The following CDH4 variants were observed in gnomAD, a reference collection of about 807,000 sequenced individuals.
CDH4 encodes the protein cadherin-4.
A neutral mutation model predicts 86.0 loss-of-function variants in CDH4; 33 were observed. The observed-to-expected ratio is 0.38, with a 90% CI of 0.29 to 0.51. The LOEUF is 0.51. CDH4 is among the 20% of genes least tolerant of loss of function. The probability of loss-of-function intolerance (pLI) is 0.86; values close to 1 mark genes in which losing one functional copy is unlikely to be tolerated. For synonymous variants in CDH4, 555 were observed against 549.4 expected, an observed-to-expected ratio of 1.01 and a Z score of -0.14; for missense variants, 1,114 against 1,307.4, an observed-to-expected ratio of 0.85 and a Z score of 2.28.
chr20:61,333,215 G>A (rs926449287), intron 2 of CDH4, among the ~76,000 whole-genome samples: 6 of 152,034 alleles, frequency 3.9e-5, no homozygotes, highest in Non-Finnish European at 5.9e-5. Flanking sequence ...ACGTATACAC[G>A]TGCAGACACG....
At chr20:61,744,148 G>T (rs2088380268) in intron 3 of CDH4, among the ~76,000 whole-genome samples, 1 of 152,242 alleles carries the variant, frequency 6.6e-6, no homozygotes, top group Non-Finnish European at 1.5e-5. Context: ...TAGTCCACCA[G>T]GCCCAGGGCG....
At chr20:61,327,172 G>T (rs1351477192) in intron 2 of CDH4, among the ~76,000 whole-genome samples, 1 of 152,176 alleles carries the variant, frequency 6.6e-6, no homozygotes, top group Non-Finnish European at 1.5e-5. Flanking sequence ...CTAAAAAAAT[G>T]TATCCACCCA....
intron 2 of CDH4, among the ~76,000 whole-genome samples, chr20:61,642,465 A>G (rs922532354): frequency 6.6e-6 from 1 of 152,206 alleles, no homozygotes; most frequent in Non-Finnish European, 1.5e-5. Context: ...AAGGTGATCA[A>G]AGATGAGAAC....
At chr20:61,924,041 G>A (rs564843792) in intron 10 of CDH4, among the ~76,000 whole-genome samples, 1 of 152,364 alleles carries the variant, frequency 6.6e-6, no homozygotes, top group East Asian at 1.9e-4. Context: ...CCGTTCGATG[G>A]GGACAATGAG....
intron 2 of CDH4, among the ~76,000 whole-genome samples, chr20:61,383,902 A>G (rs1328280896): frequency 6.6e-6 from 1 of 151,134 alleles, no homozygotes; most frequent in Non-Finnish European, 1.5e-5. Context: ...TGAGTTTATT[A>G]AGTATTAACT....
intron 9 of CDH4, among the ~76,000 whole-genome samples, chr20:61,916,284 C>T (rs2054902976): frequency 1.3e-5 from 2 of 152,256 alleles, no homozygotes; most frequent in African/African-American, 2.4e-5. Flanking sequence ...ATCTTGAGGG[C>T]ATCTGTTCTT....
At chr20:61,357,755 C>T (rs1393557850) in intron 2 of CDH4, among the ~76,000 whole-genome samples, 3 of 152,152 alleles carry the variant, frequency 2.0e-5, no homozygotes, top group African/African-American at 4.8e-5. Context: ...GGCAGCTAAT[C>T]CAAGGGTTGT....
At chr20:61,929,549 C>A in intron 12 of CDH4, 60 bp from the exon 13 acceptor site, 1 of 1,327,614 alleles carries the variant, frequency 7.5e-7, no homozygotes. Flanking sequence ...TTCCTTTGGA[C>A]GTCTTGCTTG....
intron 2 of CDH4, among the ~76,000 whole-genome samples, chr20:61,332,718 T>C (rs1451773031): frequency 6.6e-6 from 1 of 152,244 alleles, no homozygotes; most frequent in African/African-American, 2.4e-5. Flanking sequence ...CATTTTTGTT[T>C]CTTCTCTTTG....
At chr20:61,700,312 G>A (rs187536834) in intron 2 of CDH4, among the ~76,000 whole-genome samples, 23 of 152,320 alleles carry the variant, frequency 1.5e-4, no homozygotes, top group African/African-American at 3.4e-4. Flanking sequence ...ACTGTCAGCC[G>A]TTCTGACTGG....
intron 2 of CDH4, among the ~76,000 whole-genome samples, chr20:61,319,663 T>C (rs748014888): frequency 8.5e-5 from 13 of 152,074 alleles, no homozygotes. Flanking sequence ...GAATAAGTTC[T>C]GGCTGGGCAC....
Position 61,844,794 on chromosome 20 carries a change from A to G in CDH4, c.703A>G (p.Met235Val), listed in dbSNP as rs1011719492. ...CGGCCGGATGTACGTCACAAGGCCC[A>G]TGGACCGGGAGGAGCACGCCTCTTA... ...MSGRMYVTRP[M>V]DREEHASYHL... The change falls in exon 5 of 16, where the codon ATG becomes GTG. Residue 235 changes from methionine (M) to valine (V), a missense_variant. This residue lies in a region of CDH4 where 705 missense variants were observed against 914.1 expected (regional missense o/e 0.77). Transcript: ENST00000614565. The G allele has an allele frequency of 2.5e-6, 4 of 1,613,664 alleles. No individual in the cohort carries two copies. Among genetic ancestry groups the G allele is most frequent in the South Asian group, 2.2e-5 (2 of 90,978 alleles).
At chr20:61,786,485 C>A (rs866362957) in intron 4 of CDH4, among the ~76,000 whole-genome samples, 8 of 152,110 alleles carry the variant, frequency 5.3e-5, no homozygotes, top group Admixed American at 2.6e-4. Context: ...GGTTTAATTG[C>A]TCGTGTGAAA....
rs1459197688 is a variant in CDH4, at chr20:61,565,271, C to G, written c.170-178292C>G. Among the ~76,000 whole-genome samples, 99 of 56,530 alleles carry G rather than the reference C, an allele frequency of 1.8e-3. 12 individuals carry two copies. Among genetic ancestry groups the G allele is most frequent in the South Asian group, 0.017 (25 of 1,462 alleles). 37.1% of individuals were successfully genotyped at this position (56,530 alleles called of 152,430 possible). ...TGCTCTTGGTGATGGTGGTGGTGGT[C>G]CTCTTGGTGATGGGGTGATGGTGGT... On this transcript the variant is annotated intron_variant, in intron 2 of 15. Transcript: ENST00000614565.
At chr20:61,419,094 A>T (rs983020570) in intron 2 of CDH4, among the ~76,000 whole-genome samples, 6 of 152,130 alleles carry the variant, frequency 3.9e-5, no homozygotes, top group African/African-American at 1.4e-4. Context: ...CCACTGTTCA[A>T]CCATGACAGT....
chr20:61,923,633 C>A lies in CDH4; in HGVS notation c.1557C>A (p.Gly519=). 1 of 1,614,094 alleles carries A rather than the reference C, an allele frequency of 6.2e-7. No individual in the cohort carries two copies. The highest frequency in any genetic ancestry group is 1.3e-5 in the African/African-American group (1 of 75,058). ...SNHKLIRLEE[G]VPPGTVLTTF... ...ACAAGCTGATCCGCCTGGAGGAGGG[C>A]GTGCCCCCCGGCACCGTGCTGACCA... Residue 519 remains glycine, a synonymous_variant, in exon 10 of 16, where the codon GGC becomes GGA. Transcript: ENST00000614565.
chr20:61,483,685 G>A (rs528073289), intron 2 of CDH4, among the ~76,000 whole-genome samples: 82 of 69,304 alleles, frequency 1.2e-3, no homozygotes, highest in South Asian at 7.1e-3. Context: ...CCCCCGCCCC[G>A]CCCCCGCTGC....
chr20:61,851,714 T>C (rs1982734179), intron 5 of CDH4, among the ~76,000 whole-genome samples: 1 of 152,150 alleles, frequency 6.6e-6, no homozygotes, highest in Non-Finnish European at 1.5e-5. Flanking sequence ...AGCAGCCCCC[T>C]CGCCTGCCGG....
chr20:61,749,748 A>G (rs567962777), intron 3 of CDH4, among the ~76,000 whole-genome samples: 1 of 152,368 alleles, frequency 6.6e-6, no homozygotes, highest in South Asian at 2.1e-4. Context: ...CCTTAAATGC[A>G]TATATTACAA....
Sources: allele counts gnomAD v4.1 joint callset (sites outside exome capture counted in the v4.1 genomes callset), GRCh38; gene constraint gnomAD v4.1.1; regional missense constraint gnomAD v4.1.1; transcripts MANE v1.5; gene names NCBI Gene and HGNC (gene_info 2026-07-23, HGNC 2026-07-21).